The following ADGRV1 variants were observed in gnomAD, a reference collection of about 807,000 sequenced individuals.
ADGRV1 encodes the protein G-protein coupled receptor 98.
Under a neutral mutation model 596.2 loss-of-function variants are expected in ADGRV1, and 359 were observed. The ratio of observed to expected loss-of-function variants is 0.60; its 90% CI spans 0.55 to 0.66. ADGRV1 has a LOEUF of 0.66. ADGRV1 is among the 30% of genes least tolerant of loss of function. ADGRV1 has a pLI of 0.00. For missense variants in ADGRV1, 7,274 were observed against 7,575.6 expected (o/e 0.96, Z 1.48); for synonymous variants, 2,681 against 2,679.2 (o/e 1.00, Z -0.02).
intron 77 of ADGRV1, among the ~76,000 whole-genome samples, chr5:90,830,805 G>T (rs1440542324): frequency 6.6e-6 from 1 of 152,096 alleles, no homozygotes; most frequent in Non-Finnish European, 1.5e-5. Flanking sequence ...TTCTGTGAGG[G>T]TTATTTTTTG....
Position 90,720,107 on chromosome 5 carries a change from C to T in ADGRV1, c.9507C>T (p.Cys3169=), listed in dbSNP as rs780751886. 7.6e-5 allele frequency: 122 copies of T among 1,613,508 alleles called. 1 individual carries two copies. The South Asian group carries it at 8.1e-4, about 11-fold the overall frequency. Residue 3169 remains cysteine, a synonymous_variant, in exon 44 of 90, where the codon TGC becomes TGT. Coordinates refer to ENST00000405460, the MANE Select transcript of ADGRV1 (RefSeq NM_032119.4). ...TEPEMDEYFV[C]TLFNPTGGAR... ...CAGAAATGGATGAGTATTTTGTTTGCACCTTGTTTAATCCAACTGGAGGTG... is the reference window on the plus strand; with the variant it reads ...CAGAAATGGATGAGTATTTTGTTTGTACCTTGTTTAATCCAACTGGAGGTG...
chr5:90,737,701 A>G (rs1048602487), intron 50 of ADGRV1, among the ~76,000 whole-genome samples: 7 of 151,822 alleles, frequency 4.6e-5, no homozygotes, highest in Non-Finnish European at 1.0e-4. Context: ...GTCCCTTTTT[A>G]TAGTTTTTTA....
At chr5:90,850,152 C>T (rs1398441427) in intron 79 of ADGRV1, among the ~76,000 whole-genome samples, 1 of 152,210 alleles carries the variant, frequency 6.6e-6, no homozygotes, top group Non-Finnish European at 1.5e-5. Flanking sequence ...TAACCACCTA[C>T]TTCATAGCAA....
In ADGRV1 at chr5:91,145,985, G is replaced by A. The variant is rs982881952; in HGVS notation, c.18433-4045G>A. On this transcript the variant is annotated intron_variant, in intron 87 of 89. Coordinates refer to ENST00000405460, the MANE Select transcript of ADGRV1 (RefSeq NM_032119.4). ...ACTTTTTATGATTATACCAACAGAG[G>A]TAAGTTTCAGGCCCACAAGAAAGTT... Among the ~76,000 whole-genome samples, 14 of 152,134 alleles carry A rather than the reference G, an allele frequency of 9.2e-5. No individual in the cohort carries two copies. The East Asian group carries it at 1.3e-3, about 15-fold the overall frequency.
At chr5:90,910,428 A>G (rs1772758182) in intron 83 of ADGRV1, among the ~76,000 whole-genome samples, 1 of 152,196 alleles carries the variant, frequency 6.6e-6, no homozygotes, top group South Asian at 2.1e-4. Flanking sequence ...CACATTGTGA[A>G]TATAGTATTA....
At chr5:90,757,369 C>G (rs952342796) in intron 57 of ADGRV1, among the ~76,000 whole-genome samples, 1 of 115,552 alleles carries the variant, frequency 8.7e-6, no homozygotes, top group Non-Finnish European at 1.8e-5. Context: ...TTACCCTTTT[C>G]TGAACCCCCG....
chr5:90,734,413 C>T (rs1752950069), intron 50 of ADGRV1, among the ~76,000 whole-genome samples: 1 of 152,132 alleles, frequency 6.6e-6, no homozygotes, highest in African/African-American at 2.4e-5. Flanking sequence ...TTCTCCTCTT[C>T]TTCAACACTT....
At chr5:90,794,183 T>C (rs1350514949) in intron 70 of ADGRV1, among the ~76,000 whole-genome samples, 1 of 152,216 alleles carries the variant, frequency 6.6e-6, no homozygotes, top group Non-Finnish European at 1.5e-5. Flanking sequence ...ATGATGTATC[T>C]AACCCTCTGT....
In ADGRV1 at chr5:90,802,785, T is replaced by A; in HGVS notation, c.14564T>A (p.Val4855Glu). The A allele has an allele frequency of 6.2e-7, 1 of 1,613,292 alleles. No homozygotes were observed. The highest frequency in any genetic ancestry group is 8.5e-7 in the Non-Finnish European group (1 of 1,179,614). The change falls in exon 71 of 90, where the codon GTG (valine) becomes GAG (glutamate). Residue 4855 changes from valine (V) to glutamate (E), a missense_variant. By Grantham distance (121) the Val-to-Glu change is moderately radical. This residue lies in a region of ADGRV1 where 1,874 missense variants were observed against 1,970.2 expected (regional missense o/e 0.95). Transcript: ENST00000405460. Reference protein sequence around the residue: ...GSNFTLQLVTVMLVGGRFYGM... With the variant: ...GSNFTLQLVTEMLVGGRFYGM... ...AATTTCACTTTGCAACTGGTGACTGTGATGCTTGTCGGTGGACGTTTCTAT... is the reference window on the plus strand; with the variant it reads ...AATTTCACTTTGCAACTGGTGACTGAGATGCTTGTCGGTGGACGTTTCTAT...
intron 77 of ADGRV1, among the ~76,000 whole-genome samples, chr5:90,834,539 C>T (rs1445665736): frequency 1.3e-5 from 2 of 152,038 alleles, no homozygotes; most frequent in African/African-American, 4.8e-5. Context: ...TTATTTGTTC[C>T]ACTTTACTTG....
intron 85 of ADGRV1, among the ~76,000 whole-genome samples, chr5:91,026,831 A>G (rs1389226957): frequency 6.6e-6 from 1 of 152,032 alleles, no homozygotes; most frequent in East Asian, 1.9e-4. Flanking sequence ...AGACCCACAG[A>G]ACCAGAAATT....
chr5:90,776,655 T>TCTCA (rs745526600), intron 61 of ADGRV1, 79 bp downstream of exon 61: 4 of 1,401,260 alleles, frequency 2.9e-6, no homozygotes, highest in Non-Finnish European at 3.0e-6. Flanking sequence ...AGTTTATCAT[T>TCTCA]CTCAATACAT....
chr5:91,128,594 A>G (rs1320600584), intron 87 of ADGRV1, among the ~76,000 whole-genome samples: 1 of 152,200 alleles, frequency 6.6e-6, no homozygotes, highest in Non-Finnish European at 1.5e-5. Context: ...CCTTTCCAAC[A>G]TGTTGACTTA....
chr5:91,134,239 G>A (rs572960869), intron 87 of ADGRV1, among the ~76,000 whole-genome samples: 1 of 151,630 alleles, frequency 6.6e-6, no homozygotes, highest in South Asian at 2.1e-4. Context: ...CTCGGCTGGA[G>A]TGCAGTGGCC....
intron 42 of ADGRV1, 107 bp from the exon 43 acceptor site, chr5:90,716,360 C>T: frequency 1.5e-6 from 1 of 677,442 alleles, no homozygotes. Flanking sequence ...AAGACAATCA[C>T]CTTAGGTAAA....
chr5:90,887,352 T>C (rs1470030900), intron 83 of ADGRV1, among the ~76,000 whole-genome samples: 2 of 152,116 alleles, frequency 1.3e-5, no homozygotes, highest in African/African-American at 4.8e-5. Context: ...GCTTCATCAC[T>C]CTATTTCACT....
intron 75 of ADGRV1, among the ~76,000 whole-genome samples, chr5:90,820,743 C>T (rs1450274477): frequency 8.6e-5 from 13 of 150,960 alleles, no homozygotes; most frequent in Non-Finnish European, 1.8e-4. Context: ...GAATATTGGC[C>T]CCCACTCTCT....
intron 1 of ADGRV1, among the ~76,000 whole-genome samples, chr5:90,565,557 A>G (rs1755534910): frequency 6.6e-6 from 1 of 152,240 alleles, no homozygotes; most frequent in Admixed American, 6.5e-5. Context: ...GAGTATGGAT[A>G]TGCCACCTTT....
At chr5:90,989,978 G>T (rs995414500) in intron 85 of ADGRV1, among the ~76,000 whole-genome samples, 2 of 151,908 alleles carry the variant, frequency 1.3e-5, no homozygotes, top group Non-Finnish European at 2.9e-5. Flanking sequence ...CACCACACCT[G>T]GCCAATTTTT....
Sources: gnomAD v4.1 joint callset for allele counts (sites outside exome capture counted in the v4.1 genomes callset) on GRCh38, gnomAD v4.1.1 for gene constraint, gnomAD v4.1.1 regional missense constraint, MANE v1.5 for transcripts, NCBI Gene and HGNC (gene_info 2026-07-23, HGNC 2026-07-21) for gene names.